OPCML: variants seen among roughly 807,000 people sequenced by gnomAD.
The protein encoded by OPCML is opioid-binding protein/cell adhesion molecule.
OPCML carries 13 observed loss-of-function variants against 37.8 expected under a neutral mutation model. That is an observed-to-expected ratio of 0.34 (90% confidence interval 0.22 to 0.55). OPCML has a LOEUF of 0.55. OPCML is among the 20% of genes least tolerant of loss of function. The probability of loss-of-function intolerance (pLI) is 0.91; values close to 1 mark genes in which losing one functional copy is unlikely to be tolerated. For synonymous variants in OPCML, 176 were observed against 168.8 expected (o/e 1.04, Z -0.33); for missense variants, 341 against 435.6 (o/e 0.78, Z 1.93).
Position 133,078,655 on chromosome 11 carries a change from G to A in OPCML, c.62-135645C>T, listed in dbSNP as rs143830357. 3.5e-3 allele frequency among the ~76,000 whole-genome samples: 528 copies of A among 152,234 alleles called. 1 individual carries two copies. The highest frequency in any genetic ancestry group is 0.017 in the Middle Eastern group (5 of 294). On this transcript the variant is annotated intron_variant, in intron 1 of 7. Transcript: ENST00000524381. ...AGTGAGGAGGGCGCAGACAACCCTG[G>A]AAATCACCTCTGGTCTAAGGTTCTG...
intron 2 of OPCML, among the ~76,000 whole-genome samples, chr11:132,765,215 A>G (rs1946395683): frequency 6.6e-6 from 1 of 152,208 alleles, no homozygotes; most frequent in Admixed American, 6.5e-5. Flanking sequence ...GACCTCATCC[A>G]CAGTCTTGTT....
chr11:132,504,523 A>G (rs2096252241), intron 4 of OPCML, among the ~76,000 whole-genome samples: 1 of 152,182 alleles, frequency 6.6e-6, no homozygotes, highest in East Asian at 1.9e-4. Context: ...TTGGTGCTGC[A>G]GTCATTTGAA....
intron 2 of OPCML, among the ~76,000 whole-genome samples, chr11:132,809,569 A>G (rs1939208755): frequency 1.3e-5 from 2 of 152,296 alleles, no homozygotes; most frequent in South Asian, 4.1e-4. Flanking sequence ...AATGTTCCCC[A>G]GGGTTAATAA....
At chr11:132,737,274 G>A (rs1355368284) in intron 2 of OPCML, among the ~76,000 whole-genome samples, 1 of 152,280 alleles carries the variant, frequency 6.6e-6, no homozygotes, top group South Asian at 2.1e-4. Context: ...AAGGGCAAAA[G>A]ATTAATCCTT....
chr11:133,444,279 T>C (rs6590697), intron 1 of OPCML, among the ~76,000 whole-genome samples: 54,164 of 152,016 alleles, frequency 0.36, 14,490 homozygotes, highest in African/African-American at 0.75. Context: ...TTTGGTGACA[T>C]AGAAAAAAAG....
intron 3 of OPCML, among the ~76,000 whole-genome samples, chr11:132,609,592 C>T (rs1938515769): frequency 6.6e-6 from 1 of 152,202 alleles, no homozygotes; most frequent in African/African-American, 2.4e-5. Flanking sequence ...CACGCTTCCT[C>T]TTGTAGGGCT....
intron 1 of OPCML, among the ~76,000 whole-genome samples, chr11:133,194,619 GC>G (rs1465527326): frequency 6.6e-6 from 1 of 152,122 alleles, no homozygotes; most frequent in African/African-American, 2.4e-5. Context: ...CTGATACCAA[GC>G]CCTTTCCATC....
intron 3 of OPCML, among the ~76,000 whole-genome samples, chr11:132,617,386 T>C (rs1591630380): frequency 6.6e-6 from 1 of 152,312 alleles, no homozygotes; most frequent in East Asian, 1.9e-4. Flanking sequence ...CCACGTAGAC[T>C]GAATTGACAT....
At chr11:133,207,699 C>T (rs1939144608) in intron 1 of OPCML, among the ~76,000 whole-genome samples, 1 of 152,172 alleles carries the variant, frequency 6.6e-6, no homozygotes, top group Admixed American at 6.5e-5. Flanking sequence ...ATAAGTCTGT[C>T]ATGTACTATC....
intron 3 of OPCML, among the ~76,000 whole-genome samples, chr11:132,591,042 A>G (rs957022306): frequency 2.0e-5 from 3 of 152,160 alleles, no homozygotes; most frequent in Non-Finnish European, 2.9e-5. Flanking sequence ...GATTGCCTGT[A>G]TTTCTCCTCC....
chr11:133,475,937 G>A (rs56071879), intron 1 of OPCML, among the ~76,000 whole-genome samples: 8,888 of 152,214 alleles, frequency 0.058, 813 homozygotes, highest in African/African-American at 0.2. Context: ...AGCCTCCCAG[G>A]GGCAATGGCT....
At chr11:133,127,505 T>C (rs529595302) in intron 1 of OPCML, among the ~76,000 whole-genome samples, 22 of 151,882 alleles carry the variant, frequency 1.4e-4, no homozygotes, top group Non-Finnish European at 3.1e-4. Context: ...TGGTGATGCA[T>C]GTCTGTAGTC....
intron 1 of OPCML, among the ~76,000 whole-genome samples, chr11:133,124,984 C>T (rs866271018): frequency 1.3e-5 from 2 of 152,142 alleles, no homozygotes; most frequent in African/African-American, 4.8e-5. Context: ...TCTGCTTAAA[C>T]CCCATATGGG....
intron 1 of OPCML, among the ~76,000 whole-genome samples, chr11:133,105,942 A>T (rs1170721392): frequency 3.3e-5 from 5 of 152,150 alleles, no homozygotes; most frequent in Admixed American, 3.3e-4. Flanking sequence ...AGATCGTGCC[A>T]CTGCACTCCA....
chr11:132,790,677 G>A (rs950095244), intron 2 of OPCML, among the ~76,000 whole-genome samples: 1 of 152,142 alleles, frequency 6.6e-6, no homozygotes, highest in African/African-American at 2.4e-5. Context: ...CAGGAACCCC[G>A]GAGGAAAGGG....
chr11:133,134,699 A>G (rs904713132), intron 1 of OPCML, among the ~76,000 whole-genome samples: 2 of 152,154 alleles, frequency 1.3e-5, no homozygotes, highest in Admixed American at 1.3e-4. Flanking sequence ...TGAACCCTGC[A>G]AAGGAGCCCA....
chr11:133,188,894 A>G (rs1297235965), intron 1 of OPCML, among the ~76,000 whole-genome samples: 1 of 152,164 alleles, frequency 6.6e-6, no homozygotes, highest in Non-Finnish European at 1.5e-5. Context: ...TGACACTCAC[A>G]GAAGGCTGGT....
At chr11:132,619,729 G>C (rs61906406) in intron 3 of OPCML, among the ~76,000 whole-genome samples, 17,491 of 150,268 alleles carry the variant, frequency 0.12, 1,423 homozygotes, top group African/African-American at 0.23. Flanking sequence ...GCGGGCGCCT[G>C]TAGTCCCAGC....
intron 1 of OPCML, chr11:133,421,491 A>G (rs2136894917): frequency 1.0e-6 from 1 of 985,428 alleles, no homozygotes; most frequent in East Asian, 1.1e-4. Flanking sequence ...GCTATCTACA[A>G]CACTTTAATT....
Sources: gnomAD v4.1 joint callset for allele counts (sites outside exome capture counted in the v4.1 genomes callset) on GRCh38, gnomAD v4.1.1 for gene constraint, MANE v1.5 for transcripts, NCBI Gene and HGNC (gene_info 2026-07-23, HGNC 2026-07-21) for gene names.